Variants in TTC39C observed in about 807,000 individuals in gnomAD.
TTC39C encodes tetratricopeptide repeat domain 39C, also known as tetratricopeptide repeat protein 39C.
TTC39C carries 33 observed loss-of-function variants against 76.3 expected under a neutral mutation model. That is an observed-to-expected ratio of 0.43 (90% CI 0.33 to 0.58). The LOEUF is 0.58. TTC39C is among the 20% of genes least tolerant of loss of function. The pLI, the probability that TTC39C is intolerant of heterozygous loss-of-function variation, is 0.04. For synonymous variants in TTC39C, 254 were observed against 260.6 expected (o/e 0.97, Z 0.24); for missense variants, 595 against 701.4 (o/e 0.85, Z 1.71).
chr18:24,081,391 C>T (rs548421403), intron 5 of TTC39C, among the ~76,000 whole-genome samples: 8 of 152,208 alleles, frequency 5.3e-5, no homozygotes, highest in African/African-American at 1.4e-4. Context: ...TGTGCTCTTT[C>T]GCTAAACTGA....
chr18:24,058,079 A>G lies in TTC39C; in HGVS notation c.168-6061A>G, dbSNP rs920087889. ...GCAGGAACAGAAAACCAAATACTCC[A>G]TGTCCTCACTTATAAGTGGGAGCTA... On this transcript the variant is annotated intron_variant, in intron 1 of 13. Transcript: ENST00000317571. Among the ~76,000 whole-genome samples, 17 of 152,208 alleles carry G rather than the reference A, an allele frequency of 1.1e-4. No individual in the cohort carries two copies. In the East Asian group the frequency reaches 2.5e-3, roughly 22 times the overall value.
chr18:24,019,974 T>C, intron 1 of TTC39C: 1 of 1,472,042 alleles, frequency 6.8e-7, no homozygotes, highest in Non-Finnish European at 8.9e-7. Context: ...TAAAACCATG[T>C]CAGATTCTTG....
intron 1 of TTC39C, among the ~76,000 whole-genome samples, chr18:24,036,512 A>G (rs1267337675): frequency 2.0e-5 from 3 of 152,188 alleles, no homozygotes; most frequent in Non-Finnish European, 4.4e-5. Context: ...GTTTTGAATT[A>G]TTCATTGTTA....
intron 1 of TTC39C, among the ~76,000 whole-genome samples, chr18:24,057,858 C>A (rs2084036367): frequency 6.6e-6 from 1 of 152,174 alleles, no homozygotes; most frequent in African/African-American, 2.4e-5. Context: ...AAGGCACATG[C>A]ATGTGTGTGT....
chr18:24,098,440 T>TTCCTC (rs2084621810), intron 6 of TTC39C, among the ~76,000 whole-genome samples: 1 of 80,248 alleles, frequency 1.2e-5, no homozygotes, highest in East Asian at 3.9e-4. Context: ...TCCTTTCCTT[T>TTCCTC]CTTTCCTTTC....
chr18:24,100,057 TC>T (rs1470502376), intron 6 of TTC39C, among the ~76,000 whole-genome samples: 1 of 152,232 alleles, frequency 6.6e-6, no homozygotes, highest in Non-Finnish European at 1.5e-5. Flanking sequence ...GTTTCTAGTT[TC>T]CCTTAACTTA....
chr18:24,113,725 C>A (rs1599338588), intron 6 of TTC39C: 2 of 701,454 alleles, frequency 2.9e-6, no homozygotes, highest in South Asian at 3.0e-5. Context: ...GAATCCTGAT[C>A]ATGCTTTTGA....
At chr18:24,045,345 AG>A (rs985990622) in intron 1 of TTC39C, among the ~76,000 whole-genome samples, 3 of 150,890 alleles carry the variant, frequency 2.0e-5, no homozygotes, top group East Asian at 2.0e-4. Flanking sequence ...CAAGGGGGCC[AG>A]GGGGGATTTG....
chr18:24,093,199 G>T (rs937196162), intron 6 of TTC39C, among the ~76,000 whole-genome samples: 1 of 152,106 alleles, frequency 6.6e-6, no homozygotes, highest in East Asian at 1.9e-4. Flanking sequence ...AAAAGTATTG[G>T]CCGGGTGCAG....
intron 7 of TTC39C, among the ~76,000 whole-genome samples, chr18:24,116,819 GTTTTTTT>G (rs767138108): frequency 1.1e-5 from 1 of 95,070 alleles, no homozygotes. Flanking sequence ...TGATACCTTA[GTTTTTTT>G]TTTTTTTTTT....
chr18:24,019,835 A>C (rs1432339061), intron 1 of TTC39C: 1 of 1,520,982 alleles, frequency 6.6e-7, no homozygotes, highest in Non-Finnish European at 8.8e-7. Flanking sequence ...AAAGCCTAAA[A>C]TATCTACTCT....
chr18:24,004,073 G>C (rs2083333685), intron 1 of TTC39C, among the ~76,000 whole-genome samples: 1 of 152,110 alleles, frequency 6.6e-6, no homozygotes, highest in African/African-American at 2.4e-5. Flanking sequence ...TTTACACAAG[G>C]CCATTTTAGT....
chr18:24,047,090 ATTTCTTTTTT>A (rs1026312717), intron 1 of TTC39C, among the ~76,000 whole-genome samples: 8 of 151,534 alleles, frequency 5.3e-5, no homozygotes, highest in African/African-American at 1.7e-4. Flanking sequence ...ATTGATATAT[ATTTCTTTTTT>A]TTTCTTTTTT....
At chr18:24,106,024 G>A (rs755751941) in intron 6 of TTC39C, among the ~76,000 whole-genome samples, 2 of 152,104 alleles carry the variant, frequency 1.3e-5, no homozygotes, top group Admixed American at 6.5e-5. Context: ...GCTGGCCTCC[G>A]CATCTGCATT....
At chr18:23,994,839 C>T (rs1447482461) in intron 1 of TTC39C, among the ~76,000 whole-genome samples, 2 of 152,152 alleles carry the variant, frequency 1.3e-5, no homozygotes, top group Non-Finnish European at 2.9e-5. Context: ...GTGAACTCCA[C>T]CCTCAGAGAC....
chr18:24,015,627 T>C (rs2083445666), intron 1 of TTC39C, among the ~76,000 whole-genome samples: 1 of 152,336 alleles, frequency 6.6e-6, no homozygotes, highest in Middle Eastern at 3.4e-3. Flanking sequence ...CTCTGCCTTG[T>C]CTTCTGCAAA....
At chr18:23,997,943 T>C (rs1184143409) in intron 1 of TTC39C, among the ~76,000 whole-genome samples, 1 of 151,912 alleles carries the variant, frequency 6.6e-6, no homozygotes, top group African/African-American at 2.4e-5. Flanking sequence ...ATTTGGGGCA[T>C]AGAAATGTGT....
Position 24,132,619 on chromosome 18 carries a change from A to G in TTC39C, c.*45A>G. On this transcript the variant is annotated 3_prime_UTR_variant, in exon 14 of 14. Coordinates refer to ENST00000317571, the MANE Select transcript of TTC39C (RefSeq NM_001135993.2). ...CCGTCCCTCCCCACCCAGGGTCCGC[A>G]CTTTAAAATAAAAGCAGAGGACAAA... The G allele has an allele frequency of 6.5e-7, 1 of 1,536,554 alleles. No individual in the cohort carries two copies. Among genetic ancestry groups the G allele is most frequent in the Non-Finnish European group, 8.9e-7 (1 of 1,121,482 alleles).
chr18:24,056,981 C>A (rs1377585275), intron 1 of TTC39C, among the ~76,000 whole-genome samples: 2 of 151,982 alleles, frequency 1.3e-5, no homozygotes, highest in Non-Finnish European at 2.9e-5. Context: ...TCATGCCTGG[C>A]CTTGTTTTTT....
Sources: allele counts gnomAD v4.1 joint callset (sites outside exome capture counted in the v4.1 genomes callset), GRCh38; gene constraint gnomAD v4.1.1; transcripts MANE v1.5; gene names NCBI Gene and HGNC (gene_info 2026-07-23, HGNC 2026-07-21).